The following KANSL1 variants were observed in gnomAD, a reference collection of about 807,000 sequenced individuals.
The protein encoded by KANSL1 is MLL1/MLL complex subunit KANSL1.
KANSL1 carries 22 observed loss-of-function variants against 103.6 expected under a neutral mutation model. The observed-to-expected ratio is 0.21, with a 90% CI of 0.15 to 0.30. KANSL1 has a LOEUF of 0.30. Among genes scored for constraint, KANSL1 ranks in the 10% least tolerant of loss-of-function variants. The pLI is 1.00. For synonymous variants in KANSL1, 600 were observed against 527.6 expected (o/e 1.14, Z -1.88); for missense variants, 1,337 against 1,399.8 (o/e 0.96, Z 0.72).
intron 2 of KANSL1, among the ~76,000 whole-genome samples, chr17:46,153,672 T>C (rs1354661329): frequency 6.6e-6 from 1 of 152,228 alleles, no homozygotes; most frequent in Non-Finnish European, 1.5e-5. Flanking sequence ...AGGTCATTTA[T>C]ACACTAGATT....
intron 1 of KANSL1, among the ~76,000 whole-genome samples, chr17:46,220,579 T>C (rs926135781): frequency 6.6e-6 from 1 of 152,282 alleles, no homozygotes; most frequent in African/African-American, 2.4e-5. Flanking sequence ...TGTAAAAAGA[T>C]ATAATGCAAT....
chr17:46,083,585 C>A lies in KANSL1; in HGVS notation c.1432-1043G>T, dbSNP rs1400170120. ...GGTGGGTGTCTCTCTCCTCCCCCAC[C>A]CCGCCAACCCCACTATGTTACCGAG... On this transcript the variant is annotated intron_variant, in intron 3 of 14. Coordinates refer to ENST00000432791, the MANE Select transcript of KANSL1 (RefSeq NM_015443.4). Among the ~76,000 whole-genome samples the A allele has an allele frequency of 3.3e-5, 5 of 152,022 alleles. No homozygotes were observed. In the East Asian group the frequency reaches 9.7e-4, roughly 29 times the overall value.
intron 10 of KANSL1, 120 bp from the exon 11 acceptor site, chr17:46,034,405 A>T: frequency 9.4e-7 from 1 of 1,061,886 alleles, no homozygotes. Flanking sequence ...GTTGAAGCTG[A>T]GTAATGACCA....
chr17:46,039,914 G>A (rs1568375889), intron 7 of KANSL1, 30 bp from the exon 8 acceptor site: 9 of 1,607,260 alleles, frequency 5.6e-6, no homozygotes, highest in Non-Finnish European at 7.7e-6. Context: ...CTACAGGTTA[G>A]TCCAAACACC....
At chr17:46,047,063 C>G (rs1483213594) in intron 7 of KANSL1, among the ~76,000 whole-genome samples, 1 of 152,146 alleles carries the variant, frequency 6.6e-6, no homozygotes, top group Non-Finnish European at 1.5e-5. Flanking sequence ...TATTGCTCCA[C>G]CAGCTCCTGA....
intron 2 of KANSL1, among the ~76,000 whole-genome samples, chr17:46,100,502 A>G (rs1175087974): frequency 6.6e-6 from 1 of 152,032 alleles, no homozygotes; most frequent in African/African-American, 2.4e-5. Flanking sequence ...AGTAAAAGTA[A>G]TTAATTTTTT....
At chr17:46,036,773 G>A (rs944702341) in intron 10 of KANSL1, among the ~76,000 whole-genome samples, 32 of 151,644 alleles carry the variant, frequency 2.1e-4, no homozygotes, top group African/African-American at 7.3e-4. Context: ...AGGCTTGAGT[G>A]CAATGGCTTG....
In KANSL1 at chr17:46,107,829, T is replaced by C. The variant is rs2042634694; in HGVS notation, c.1290-13128A>G. Among the ~76,000 whole-genome samples, 3 of 152,348 alleles carry C rather than the reference T, an allele frequency of 2.0e-5. No homozygotes were observed. The South Asian group carries it at 6.2e-4, about 32-fold the overall frequency. On this transcript the variant is annotated intron_variant, in intron 2 of 14. Transcript: ENST00000432791. ...CCATCCCAAACCTGCTTCAACTAGA[T>C]GGATCTGTTCAGGTCAAAAACCTCC...
chr17:46,154,251 A>T (rs2696572), intron 2 of KANSL1, among the ~76,000 whole-genome samples: 21,952 of 152,210 alleles, frequency 0.14, 2,136 homozygotes, highest in Non-Finnish European at 0.22. Flanking sequence ...ACTGGCAATG[A>T]GGGAAGTGGG....
intron 7 of KANSL1, chr17:46,044,563 TAAC>T (rs2077437807): frequency 6.6e-6 from 1 of 152,230 alleles, no homozygotes; most frequent in African/African-American, 2.4e-5. Flanking sequence ...TTTATAAAGT[TAAC>T]AAGCTTTTCT....
At position 46,105,933 on chromosome 17, in the gene KANSL1, ACACACACACACACACC is replaced by A. The variant is rs1433624676; in HGVS notation, c.1290-11248_1290-11233del. Among the ~76,000 whole-genome samples the A allele has an allele frequency of 7.8e-3, 791 of 101,966 alleles. 13 individuals are homozygous for A. Among genetic ancestry groups the A allele is most frequent in the African/African-American group, 0.024 (705 of 29,630 alleles). The allele number at this position is 101,966 out of a possible 152,430, so 66.9% of individuals were successfully genotyped here. A position where few individuals can be genotyped will look rare whatever the true frequency, so the allele number is the denominator to read the frequency against. On this transcript the variant is annotated intron_variant, in intron 2 of 14. Coordinates refer to ENST00000432791, the MANE Select transcript of KANSL1 (RefSeq NM_015443.4). ...CACACACACACACACACACACACAC[ACACACACACACACACC>A]CCCCCAGAAGGGTGAAGGAGCAGAA... is the stretch of plus-strand genomic sequence containing the variant.
At chr17:46,101,061 A>G (rs1240797788) in intron 2 of KANSL1, among the ~76,000 whole-genome samples, 1 of 152,256 alleles carries the variant, frequency 6.6e-6, no homozygotes, top group South Asian at 2.1e-4. Context: ...TGAGACATCT[A>G]AGTTCTGAAA....
At chr17:46,132,122 C>T (rs574023105) in intron 2 of KANSL1, among the ~76,000 whole-genome samples, 2 of 150,696 alleles carry the variant, frequency 1.3e-5, no homozygotes, top group African/African-American at 2.5e-5. Context: ...AGCAAAACTC[C>T]ATCTCAAAAA....
At chr17:46,137,213 C>T (rs1432704979) in intron 2 of KANSL1, among the ~76,000 whole-genome samples, 2 of 152,162 alleles carry the variant, frequency 1.3e-5, no homozygotes, top group Non-Finnish European at 2.9e-5. Flanking sequence ...CCCTTTCTAC[C>T]CTACTCACTT....
intron 3 of KANSL1, chr17:46,094,073 C>A (rs1045440766): frequency 5.8e-5 from 9 of 154,582 alleles, no homozygotes; most frequent in African/African-American, 2.2e-4. Flanking sequence ...TCTAAATACA[C>A]GTTCAGTTAA....
upstream of KANSL1, chr17:46,223,710 T>TA (rs2048599751): frequency 6.6e-6 from 1 of 152,584 alleles, no homozygotes; most frequent in African/African-American, 2.4e-5. Context: ...TGTCAGGATA[T>TA]AAAGACAATA....
intron 4 of KANSL1, among the ~76,000 whole-genome samples, chr17:46,073,658 G>T (rs1395693895): frequency 6.6e-6 from 1 of 151,818 alleles, no homozygotes; most frequent in Non-Finnish European, 1.5e-5. Flanking sequence ...GGGAAAACAG[G>T]GAAGGCTAGA....
At chr17:46,091,475 T>C (rs1257714529) in intron 3 of KANSL1, among the ~76,000 whole-genome samples, 1 of 145,644 alleles carries the variant, frequency 6.9e-6, no homozygotes, top group Admixed American at 6.9e-5. Flanking sequence ...ATAAAGTTTA[T>C]AGTAGTGTAC....
At chr17:46,203,257 T>C (rs2047863563) in intron 1 of KANSL1, among the ~76,000 whole-genome samples, 1 of 151,906 alleles carries the variant, frequency 6.6e-6, no homozygotes, top group Admixed American at 6.6e-5. Context: ...AAGAAAGAAA[T>C]CCTTCAGCAC....
Sources: allele counts gnomAD v4.1 joint callset (sites outside exome capture counted in the v4.1 genomes callset), GRCh38; gene constraint gnomAD v4.1.1; transcripts MANE v1.5; gene names NCBI Gene and HGNC (gene_info 2026-07-23, HGNC 2026-07-21).